The following ASAH2 variants were observed in gnomAD, a reference collection of about 807,000 sequenced individuals.
ASAH2 encodes neutral ceramidase.
A neutral mutation model predicts 82.9 loss-of-function variants in ASAH2; 58 were observed. That is an observed-to-expected ratio of 0.70 (90% CI 0.57 to 0.87). The LOEUF (loss-of-function observed/expected upper bound fraction) is 0.87, where lower values mean the gene tolerates loss of function less well. Among genes scored for constraint, ASAH2 ranks in the 40% least tolerant of loss-of-function variants. The pLI is 0.00. For missense variants in ASAH2, 779 were observed against 834.0 expected, an observed-to-expected ratio of 0.93 and a Z score of 0.81; for synonymous variants, 276 against 289.7, an observed-to-expected ratio of 0.95 and a Z score of 0.48.
At chr10:50,236,942 A>C (rs1448925274) in intron 4 of ASAH2, among the ~76,000 whole-genome samples, 1 of 152,172 alleles carries the variant, frequency 6.6e-6, no homozygotes, top group Non-Finnish European at 1.5e-5. Flanking sequence ...CAAAGACAGT[A>C]AGCAAGCAAA....
chr10:50,187,048 G>A lies in ASAH2; in HGVS notation c.*267C>T, dbSNP rs1296780667. On this transcript the variant is annotated 3_prime_UTR_variant, in exon 21 of 21. Coordinates refer to ENST00000682911, the MANE Select transcript of ASAH2 (RefSeq NM_019893.4). ...TCATGCTTTAGGCTGTAGACCACAA[G>A]ATATATGGCTGCTGGAGCAAGATAT... 5 of 473,732 alleles carry A rather than the reference G, an allele frequency of 1.1e-5. No homozygotes were observed. In the East Asian group the frequency reaches 1.8e-4, roughly 18 times the overall value. The allele number at this position is 473,732 out of a possible 1,614,324, so 29.3% of individuals were successfully genotyped here. A position where few individuals can be genotyped will look rare whatever the true frequency, so the allele number is the denominator to read the frequency against.
At chr10:50,197,361 A>G (rs1845014353) in intron 17 of ASAH2, among the ~76,000 whole-genome samples, 1 of 151,156 alleles carries the variant, frequency 6.6e-6, no homozygotes, top group Admixed American at 6.6e-5. Flanking sequence ...CTGTGCTAAT[A>G]AAAGAATATA....
At chr10:50,189,180 C>T (rs1231049055) in intron 20 of ASAH2, among the ~76,000 whole-genome samples, 2 of 146,114 alleles carry the variant, frequency 1.4e-5, no homozygotes, top group Non-Finnish European at 3.0e-5. Context: ...CTCCTTTCAA[C>T]CAATTTGCAA....
chr10:50,245,016 A>C (rs1302395069), intron 3 of ASAH2, among the ~76,000 whole-genome samples: 1 of 152,110 alleles, frequency 6.6e-6, no homozygotes, highest in Non-Finnish European at 1.5e-5. Context: ...AAAAAAGGCC[A>C]ATGGATTTTA....
chr10:50,227,042 A>G (rs1845904771), intron 7 of ASAH2, among the ~76,000 whole-genome samples: 1 of 152,222 alleles, frequency 6.6e-6, no homozygotes, highest in Non-Finnish European at 1.5e-5. Context: ...TGAGACAAAT[A>G]GCACAAAGTG....
chr10:50,239,447 C>T (rs992927635), intron 4 of ASAH2, among the ~76,000 whole-genome samples: 112 of 152,254 alleles, frequency 7.4e-4, no homozygotes, highest in African/African-American at 2.7e-3. Flanking sequence ...AACTCCTCCC[C>T]ACTCTACCCG....
At chr10:50,238,573 A>G (rs1846215984) in intron 4 of ASAH2, among the ~76,000 whole-genome samples, 1 of 152,146 alleles carries the variant, frequency 6.6e-6, no homozygotes, top group South Asian at 2.1e-4. Context: ...TATAAAGAGA[A>G]GAGAAAATGA....
chr10:50,234,410 A>C lies in ASAH2; in HGVS notation c.815+15T>G. The C allele has an allele frequency of 6.2e-7, 1 of 1,612,852 alleles. No individual in the cohort carries two copies. Among genetic ancestry groups the C allele is most frequent in the Non-Finnish European group, 8.5e-7 (1 of 1,179,066 alleles). ...AAGGGAATGAAACGATTTCATTTTG[A>C]CGATTCCTCCTCACCTTGCTCTCTC... On this transcript the variant is annotated intron_variant, in intron 6 of 20. Transcript: ENST00000682911.
chr10:50,197,945 TACAA>T (rs1589321066), intron 17 of ASAH2, among the ~76,000 whole-genome samples: 2 of 151,938 alleles, frequency 1.3e-5, no homozygotes, highest in South Asian at 2.1e-4. Context: ...AATAAATAAA[TACAA>T]ACAGTTATTC....
intron 4 of ASAH2, among the ~76,000 whole-genome samples, chr10:50,237,361 AT>A (rs1214762483): frequency 2.0e-5 from 3 of 152,128 alleles, no homozygotes; most frequent in Non-Finnish European, 4.4e-5. Context: ...CTTAGAAGTA[AT>A]TTCTTCCACC....
chr10:50,219,475 C>T (rs1003637914), intron 7 of ASAH2, among the ~76,000 whole-genome samples: 79 of 152,206 alleles, frequency 5.2e-4, no homozygotes, highest in African/African-American at 1.7e-3. Context: ...CAAACCCTCA[C>T]ACAGGTGAAA....
intron 2 of ASAH2, among the ~76,000 whole-genome samples, chr10:50,247,396 C>A (rs1465417859): frequency 1.3e-5 from 2 of 151,776 alleles, no homozygotes; most frequent in African/African-American, 4.8e-5. Flanking sequence ...AACTCTTGAC[C>A]TCAGGTGATC....
In ASAH2 at chr10:50,221,035, A is replaced by G. The variant is rs1315778095; in HGVS notation, c.894-2405T>C. On this transcript the variant is annotated intron_variant, in intron 7 of 20. Transcript: ENST00000682911. Reference sequence around the variant, plus strand: ...TTTTCAAAACACAATGTCAAGCCAAATCACCAATGAGTGAGCTGAATTCAG... The same window carrying G: ...TTTTCAAAACACAATGTCAAGCCAAGTCACCAATGAGTGAGCTGAATTCAG... Among the ~76,000 whole-genome samples the G allele has an allele frequency of 4.6e-5, 7 of 152,288 alleles. No individual in the cohort carries two copies. In the East Asian group the frequency reaches 1.2e-3, roughly 25 times the overall value.
intron 2 of ASAH2, among the ~76,000 whole-genome samples, chr10:50,246,675 G>A (rs554768181): frequency 1.2e-4 from 19 of 152,178 alleles, no homozygotes; most frequent in African/African-American, 4.3e-4. Context: ...TGATGAATCT[G>A]GTATGCAATC....
chr10:50,222,481 T>A (rs1329482063), intron 7 of ASAH2, among the ~76,000 whole-genome samples: 1 of 152,148 alleles, frequency 6.6e-6, no homozygotes, highest in Non-Finnish European at 1.5e-5. Flanking sequence ...GGTCTCACTA[T>A]GTTGCCCAGG....
Position 50,233,550 on chromosome 10 carries a change from GATTT to G in ASAH2, c.816-293_816-290del, listed in dbSNP as rs1310245424. ...ACATATATGTATTTCTTACAAAAGGGATTTATTTGTCTTTGAAATTTCTACTCAT... is the reference window on the plus strand; with the variant it reads ...ACATATATGTATTTCTTACAAAAGGGATTTGTCTTTGAAATTTCTACTCAT... On this transcript the variant is annotated intron_variant, in intron 6 of 20. Transcript: ENST00000682911. Among the ~76,000 whole-genome samples, 91 of 152,066 alleles carry G rather than the reference GATTT, an allele frequency of 6.0e-4. 1 individual carries two copies. Among genetic ancestry groups the G allele is most frequent in the African/African-American group, 2.2e-3 (90 of 41,474 alleles).
At chr10:50,231,380 G>A (rs938769105) in intron 7 of ASAH2, among the ~76,000 whole-genome samples, 3 of 152,036 alleles carry the variant, frequency 2.0e-5, no homozygotes, top group Non-Finnish European at 4.4e-5. Flanking sequence ...CAACTCAAAT[G>A]TCATTTTCTC....
intron 3 of ASAH2, among the ~76,000 whole-genome samples, chr10:50,244,453 C>T (rs1297360967): frequency 1.3e-5 from 2 of 152,188 alleles, no homozygotes; most frequent in African/African-American, 4.8e-5. Context: ...ATTCCAGGAT[C>T]ACTTTTCAGA....
At position 50,210,897 on chromosome 10, in the gene ASAH2, G is replaced by A. The variant is rs1845437876; in HGVS notation, c.1340C>T (p.Thr447Ile). The change falls in exon 12 of 21, where the codon ACA becomes ATA. Residue 447 changes from threonine to isoleucine, a missense_variant. Transcript: ENST00000682911. ...VWLNSTHASK[T>I]CKPALGYSFA... The stretch of plus-strand genomic sequence containing the variant: ...ACTGTAGCCCAATGCTGGTTTACAT[G>A]TTTTTGACTAAAGGAAAAGTTTTAA... 6.2e-7 allele frequency: 1 copy of A among 1,613,278 alleles called. No individual in the cohort carries two copies. Among genetic ancestry groups the A allele is most frequent in the Non-Finnish European group, 8.5e-7 (1 of 1,179,308 alleles).
Sources: allele counts gnomAD v4.1 joint callset (sites outside exome capture counted in the v4.1 genomes callset), GRCh38; gene constraint gnomAD v4.1.1; transcripts MANE v1.5; gene names NCBI Gene and HGNC (gene_info 2026-07-23, HGNC 2026-07-21).